The following NASP variants were observed in gnomAD, a reference collection of about 807,000 sequenced individuals.
The protein encoded by NASP is nuclear autoantigenic sperm protein, also known as NASP histone chaperone.
In NASP, 24 loss-of-function variants were observed where a neutral mutation model predicts 89.5. The ratio of observed to expected loss-of-function variants is 0.27; its 90% CI spans 0.19 to 0.38. The LOEUF (loss-of-function observed/expected upper bound fraction) is 0.38. Among genes scored for constraint, NASP ranks in the 10% least tolerant of loss-of-function variants. The pLI is 1.00. For missense variants in NASP, 848 were observed against 921.4 expected (o/e 0.92, Z 1.03); for synonymous variants, 306 against 324.7 (o/e 0.94, Z 0.62).
chr1:45,585,688 G>C (rs1644523607), intron 1 of NASP, among the ~76,000 whole-genome samples: 1 of 152,020 alleles, frequency 6.6e-6, no homozygotes, highest in Non-Finnish European at 1.5e-5. Flanking sequence ...TTGCAGACAG[G>C]GTCTGGATCT....
intron 1 of NASP, among the ~76,000 whole-genome samples, chr1:45,587,390 C>CT (rs2148325638): frequency 6.6e-6 from 1 of 151,584 alleles, no homozygotes; most frequent in Non-Finnish European, 1.5e-5. Flanking sequence ...AGGGTGATCT[C>CT]GAACTCCTGA....
At chr1:45,595,211 G>A (rs1047616776) in intron 2 of NASP, among the ~76,000 whole-genome samples, 10 of 148,182 alleles carry the variant, frequency 6.7e-5, no homozygotes, top group South Asian at 2.2e-4. Flanking sequence ...GTCTTATTAT[G>A]TTGCTCAGGC....
intron 2 of NASP, among the ~76,000 whole-genome samples, chr1:45,597,950 GTTTC>G (rs1188351655): frequency 1.3e-5 from 2 of 152,204 alleles, no homozygotes; most frequent in African/African-American, 4.8e-5. Flanking sequence ...CCTCACATCA[GTTTC>G]TTTGACAGGA....
At chr1:45,615,602 T>C in intron 11 of NASP, 131 bp downstream of exon 11, 1 of 843,216 alleles carries the variant, frequency 1.2e-6, no homozygotes, top group Admixed American at 2.8e-5. Flanking sequence ...TCCTATCAAG[T>C]AATGCAGTGG....
In NASP at chr1:45,614,150, A is replaced by G; in HGVS notation, c.1561A>G (p.Met521Val). 1 of 1,612,932 alleles carries G rather than the reference A, an allele frequency of 6.2e-7. No homozygotes were observed. Among genetic ancestry groups the G allele is most frequent in the East Asian group, 2.2e-5 (1 of 44,880 alleles). ...TGGGAACCTAGAGCTTGCCTGGGATATGCTGGATTTAGCAAAGATCATTTT... is the reference window on the plus strand; with the variant it reads ...TGGGAACCTAGAGCTTGCCTGGGATGTGCTGGATTTAGCAAAGATCATTTT... ...EIGNLELAWDMLDLAKIIFKR... is the reference protein window; with the variant it reads ...EIGNLELAWDVLDLAKIIFKR... Residue 521 changes from methionine (M) to valine (V), a missense_variant, in exon 8 of 15, where the codon ATG becomes GTG. Met to Val is a conservative substitution (Grantham distance 21). Transcript: ENST00000350030.
intron 2 of NASP, among the ~76,000 whole-genome samples, chr1:45,595,545 T>C (rs1643675469): frequency 6.6e-6 from 1 of 152,218 alleles, no homozygotes; most frequent in Non-Finnish European, 1.5e-5. Flanking sequence ...TTTTCTTGTA[T>C]ACCTTTGGGG....
intron 2 of NASP, 53 bp from the exon 3 acceptor site, chr1:45,602,202 A>G (rs1643863014): frequency 6.4e-7 from 1 of 1,551,204 alleles, no homozygotes; most frequent in Non-Finnish European, 8.7e-7. Flanking sequence ...CAGGTATTCA[A>G]AAAATACTGA....
At chr1:45,593,514 CAG>C (rs1477545748) in intron 2 of NASP, among the ~76,000 whole-genome samples, 1 of 126,698 alleles carries the variant, frequency 7.9e-6, no homozygotes, top group Non-Finnish European at 1.6e-5. Flanking sequence ...GCCTGGGTGA[CAG>C]AGTGAGACTG....
rs190125574 is a variant in NASP, at chr1:45,613,772, C to T, written c.1507-324C>T. 1.9e-3 allele frequency among the ~76,000 whole-genome samples: 283 copies of T among 152,198 alleles called. 1 individual carries two copies. The highest frequency in any genetic ancestry group is 6.0e-3 in the African/African-American group (251 of 41,508). On this transcript the variant is annotated intron_variant, in intron 7 of 14. Transcript: ENST00000350030. ...CAAAGTGTTGGGATTATAGGCATAA[C>T]CCACCATGCCCAGCCCTAGGCATGA... is the stretch of plus-strand genomic sequence containing the variant.
intron 1 of NASP, among the ~76,000 whole-genome samples, chr1:45,587,359 T>G (rs532804402): frequency 2.0e-4 from 30 of 151,240 alleles, no homozygotes; most frequent in East Asian, 5.9e-4. Context: ...GCTAATTTTT[T>G]GGGGTTTTGC....
chr1:45,614,109 A>T lies in NASP; in HGVS notation c.1520A>T (p.Asn507Ile). 6.2e-7 allele frequency: 1 copy of T among 1,602,438 alleles called. No individual in the cohort carries two copies. Among genetic ancestry groups the T allele is most frequent in the Non-Finnish European group, 8.6e-7 (1 of 1,169,374 alleles). Residue 507 changes from asparagine to isoleucine, a missense_variant, in exon 8 of 15, where the codon AAT becomes ATT. Asn to Ile is a moderately radical substitution (Grantham distance 149). This residue lies in a region of NASP where 464 missense variants were observed against 469.4 expected (regional missense o/e 0.99). Transcript: ENST00000350030. Reference sequence around the variant, plus strand: ...GTTATACTTTAGTCTCTTCAAGAAAATGAGGAGGAGGAGATTGGGAACCTA... The same window carrying T: ...GTTATACTTTAGTCTCTTCAAGAAATTGAGGAGGAGGAGATTGGGAACCTA... ...SVLENKSLQE[N>I]EEEEIGNLEL...
intron 1 of NASP, among the ~76,000 whole-genome samples, chr1:45,586,288 T>TGTGTGTGTGTG (rs1644544841): frequency 1.0e-5 from 1 of 95,778 alleles, no homozygotes; most frequent in African/African-American, 4.9e-5. Context: ...GTGTGTGGTG[T>TGTGTGTGTGTG]GTGTGTGTGT....
rs200577640 is a variant in NASP, at chr1:45,616,715, T to C, written c.2157+12T>C. 1.1e-4 allele frequency: 173 copies of C among 1,607,330 alleles called. 1 individual carries two copies. In the Middle Eastern group the frequency reaches 1.5e-3, roughly 14 times the overall value. On this transcript the variant is annotated intron_variant, in intron 13 of 14. Transcript: ENST00000350030. ...TTGTCAGAAAGAAGGTAAGTCTACATGTGGTGTTTCTTTTCTACCGTTTCC... is the reference window on the plus strand; with the variant it reads ...TTGTCAGAAAGAAGGTAAGTCTACACGTGGTGTTTCTTTTCTACCGTTTCC...
intron 12 of NASP, 116 bp from the exon 13 acceptor site, chr1:45,616,510 A>G (rs1169122870): frequency 2.0e-6 from 3 of 1,497,920 alleles, no homozygotes; most frequent in Non-Finnish European, 2.8e-6. Flanking sequence ...TTGGAATTCA[A>G]CACTAGCTTG....
rs1042131934 is a variant in NASP, at chr1:45,584,069, T to A, written c.-78T>A. The A allele has an allele frequency of 7.3e-7, 1 of 1,372,388 alleles. No individual in the cohort carries two copies. Among genetic ancestry groups the A allele is most frequent in the African/African-American group, 1.4e-5 (1 of 69,498 alleles). The allele number at this position is 1,372,388 out of a possible 1,614,324, so 85.0% of individuals were successfully genotyped here. ...TAATCTGCCATTTTCTGTCCCTGAGTGAGTCTCTGGCGTCCCAAATTGCCT... is the reference window on the plus strand; with the variant it reads ...TAATCTGCCATTTTCTGTCCCTGAGAGAGTCTCTGGCGTCCCAAATTGCCT... On this transcript the variant is annotated 5_prime_UTR_variant, in exon 1 of 15. Coordinates refer to ENST00000350030, the MANE Select transcript of NASP (RefSeq NM_002482.4).
chr1:45,593,139 T>C (rs1422430697), intron 2 of NASP, among the ~76,000 whole-genome samples: 1 of 152,250 alleles, frequency 6.6e-6, no homozygotes, highest in African/African-American at 2.4e-5. Flanking sequence ...GTAGCATTCC[T>C]ATGTATGATG....
intron 2 of NASP, among the ~76,000 whole-genome samples, chr1:45,596,040 A>T (rs1243193499): frequency 6.6e-6 from 1 of 152,244 alleles, no homozygotes; most frequent in Non-Finnish European, 1.5e-5. Flanking sequence ...TACTTAGCAG[A>T]TGTTTTCTCC....
chr1:45,589,807 A>C (rs1180421262), intron 1 of NASP, among the ~76,000 whole-genome samples: 1 of 152,140 alleles, frequency 6.6e-6, no homozygotes, highest in Non-Finnish European at 1.5e-5. Context: ...AGGCTGAGGC[A>C]GGAGAATGGC....
chr1:45,613,876 TG>T (rs1644058778), intron 7 of NASP, among the ~76,000 whole-genome samples: 1 of 144,600 alleles, frequency 6.9e-6, no homozygotes, highest in Admixed American at 7.0e-5. Context: ...TATTTGATCC[TG>T]GGGTTCTTGT....
Sources: gnomAD v4.1 joint callset for allele counts (sites outside exome capture counted in the v4.1 genomes callset) on GRCh38, gnomAD v4.1.1 for gene constraint, gnomAD v4.1.1 regional missense constraint, MANE v1.5 for transcripts, NCBI Gene and HGNC (gene_info 2026-07-23, HGNC 2026-07-21) for gene names.